The following HELQ variants were observed in gnomAD, a reference collection of about 807,000 sequenced individuals.
HELQ encodes helicase POLQ-like.
A neutral mutation model predicts 111.6 loss-of-function variants in HELQ; 77 were observed. That is an observed-to-expected ratio of 0.69 (90% CI 0.57 to 0.83). The LOEUF (loss-of-function observed/expected upper bound fraction) is 0.83. HELQ is among the 40% of genes least tolerant of loss of function. The probability of loss-of-function intolerance (pLI) is 0.00; values close to 1 mark genes in which losing one functional copy is unlikely to be tolerated. For missense variants in HELQ, 1,200 were observed against 1,288.5 expected (o/e 0.93, Z 1.05); for synonymous variants, 438 against 454.7 (o/e 0.96, Z 0.47).
Position 83,429,612 on chromosome 4 carries a change from T to A in HELQ, c.2430A>T (p.Gly810=), listed in dbSNP as rs778224985. Residue 810 remains glycine, a synonymous_variant, in exon 12 of 18, where the codon GGA becomes GGT. Coordinates refer to ENST00000295488, the MANE Select transcript of HELQ (RefSeq NM_133636.5). ...VESLRYLTEK[G]LLQKDTIYKS... Reference sequence around the variant, plus strand: ...TATAAATAGTGTCTTTTTGTAGGAGTCCTTTTTCTGTCAGGTATCTAAGTG... The same window carrying A: ...TATAAATAGTGTCTTTTTGTAGGAGACCTTTTTCTGTCAGGTATCTAAGTG... 2.5e-6 allele frequency: 4 copies of A among 1,612,786 alleles called. No individual in the cohort carries two copies. Among genetic ancestry groups the A allele is most frequent in the Non-Finnish European group, 3.4e-6 (4 of 1,179,018 alleles).
intron 17 of HELQ, among the ~76,000 whole-genome samples, chr4:83,409,297 TC>T (rs1453969669): frequency 7.9e-5 from 12 of 152,072 alleles, no homozygotes; most frequent in Non-Finnish European, 1.6e-4. Flanking sequence ...ATGCCTGTAA[TC>T]CCAGCACTTT....
At chr4:83,443,458 C>G (rs1720881158) in intron 6 of HELQ, 59 bp downstream of exon 6, 2 of 777,086 alleles carry the variant, frequency 2.6e-6, no homozygotes, top group East Asian at 5.1e-5. Context: ...TTACTACTTT[C>G]ATTTCTAAGT....
intron 6 of HELQ, 35 bp from the exon 7 acceptor site, chr4:83,441,438 A>G: frequency 2.2e-6 from 2 of 927,828 alleles, no homozygotes; most frequent in Non-Finnish European, 3.4e-6. Context: ...TTAATACGAC[A>G]TATAAATTCA....
intron 17 of HELQ, among the ~76,000 whole-genome samples, chr4:83,416,260 C>T (rs1019080328): frequency 1.3e-5 from 2 of 148,800 alleles, no homozygotes; most frequent in Non-Finnish European, 3.0e-5. Flanking sequence ...TTTTTTGGGG[C>T]GGGGGGACAG....
intron 17 of HELQ, 65 bp from the exon 18 acceptor site, chr4:83,407,625 C>T (rs1365047552): frequency 8.2e-6 from 8 of 973,142 alleles, no homozygotes; most frequent in East Asian, 7.3e-5. Flanking sequence ...AACAATTTTA[C>T]CACTGTCCAT....
intron 3 of HELQ, among the ~76,000 whole-genome samples, chr4:83,447,895 T>G (rs1358545312): frequency 6.7e-6 from 1 of 149,870 alleles, no homozygotes; most frequent in Admixed American, 6.7e-5. Flanking sequence ...TAACTCATTT[T>G]AGTAATAGTT....
intron 3 of HELQ, among the ~76,000 whole-genome samples, chr4:83,448,472 C>G (rs1721169158): frequency 6.6e-6 from 1 of 151,788 alleles, no homozygotes. Context: ...GAGTTTGAGA[C>G]CAGCCTGGCC....
intron 2 of HELQ, among the ~76,000 whole-genome samples, chr4:83,450,835 G>C (rs751356148): frequency 6.6e-6 from 1 of 152,092 alleles, no homozygotes; most frequent in African/African-American, 2.4e-5. Context: ...GTATGGTGGC[G>C]CATGCCTATA....
intron 2 of HELQ, among the ~76,000 whole-genome samples, chr4:83,450,030 T>G (rs1321276424): frequency 6.6e-6 from 1 of 151,754 alleles, no homozygotes; most frequent in East Asian, 1.9e-4. Flanking sequence ...CTGGTAGTAT[T>G]ACTTTTGGGA....
intron 11 of HELQ, among the ~76,000 whole-genome samples, chr4:83,430,966 T>C (rs1447431812): frequency 6.6e-6 from 1 of 152,188 alleles, no homozygotes; most frequent in East Asian, 1.9e-4. Context: ...TGAAAAAGTT[T>C]TTGACATAGT....
intron 9 of HELQ, among the ~76,000 whole-genome samples, chr4:83,433,422 C>G (rs1350848466): frequency 6.6e-6 from 1 of 152,046 alleles, no homozygotes; most frequent in Non-Finnish European, 1.5e-5. Flanking sequence ...AATCCCAGCA[C>G]TTTGAGAGGC....
Position 83,429,866 on chromosome 4 carries a change from T to A in HELQ, c.2296-120A>T. On this transcript the variant is annotated intron_variant, in intron 11 of 17. Transcript: ENST00000295488. Reference sequence around the variant, plus strand: ...AAGCTATTTAAATAAAAAATTAGTATTAAATCTACACAGTTGCATATATAA... The same window carrying A: ...AAGCTATTTAAATAAAAAATTAGTAATAAATCTACACAGTTGCATATATAA... 4 of 618,884 alleles carry A rather than the reference T, an allele frequency of 6.5e-6. No homozygotes were observed. The South Asian group carries it at 9.0e-5, about 14-fold the overall frequency. The allele number at this position is 618,884 out of a possible 1,614,324, so 38.3% of individuals were successfully genotyped here. A position where few individuals can be genotyped will look rare whatever the true frequency, so the allele number is the denominator to read the frequency against.
At position 83,439,918 on chromosome 4, in the gene HELQ, G is replaced by A. The variant is rs6817280; in HGVS notation, c.1753C>T (p.Pro585Ser). The A allele has an allele frequency of 0.014, 22,790 of 1,606,006 alleles. 2,723 individuals carry two copies. In the African/African-American group the frequency reaches 0.27, roughly 19 times the overall value. The change falls in exon 8 of 18, where the codon CCT becomes TCT. Residue 585 changes from proline (P) to serine (S), a missense_variant. Coordinates refer to ENST00000295488, the MANE Select transcript of HELQ (RefSeq NM_133636.5). Reference protein sequence around the residue: ...IPNYSCLVFCPSKKNCENVAE... With the variant: ...IPNYSCLVFCSSKKNCENVAE... ...ACATTTTCACAGTTCTTCTTACTAG[G>A]ACAAAAAACTAAGCAGGAATAATTG...
chr4:83,417,600 C>G (rs769837932), intron 16 of HELQ, among the ~76,000 whole-genome samples: 2 of 152,174 alleles, frequency 1.3e-5, no homozygotes, highest in African/African-American at 4.8e-5. Context: ...TCCTCTGACT[C>G]AAGAACTGAA....
rs757418316 is a variant in HELQ, at chr4:83,427,629, G to C, written c.2610C>G (p.Ile870Met). The C allele has an allele frequency of 3.1e-6, 5 of 1,607,082 alleles. No individual in the cohort carries two copies. ...CCAGATCATAGGGGGTTGTTAGGTA[G>C]ATTAGATGAAGAAGGCTTTCAAGCA... ...GLVLESLLHL[I>M]YLTTPYDLVS... Residue 870 changes from isoleucine to methionine, a missense_variant, in exon 13 of 18, where the codon ATC becomes ATG. Transcript: ENST00000295488.
Position 83,416,817 on chromosome 4 carries a change from AG to A in HELQ, c.3111del (p.Leu1038Ter). 6.2e-7 allele frequency: 1 copy of A among 1,613,918 alleles called. No homozygotes were observed. The highest frequency in any genetic ancestry group is 8.5e-7 in the Non-Finnish European group (1 of 1,179,820). ...LYSAGYKSLMHLANANPEVLV... is the reference protein window; with the variant it reads ...LYSAGYKSLMXLANANPEVLV... ...AGCACTTCAGGATTTGCATTAGCTA[AG>A]TGCATTAGACTTTTGTAACCTGCAC... On this transcript the variant is annotated frameshift_variant, in exon 17 of 18. Transcript: ENST00000295488. LOFTEE classifies it high-confidence loss of function.
intron 17 of HELQ, among the ~76,000 whole-genome samples, chr4:83,411,799 C>T (rs1739118736): frequency 6.6e-6 from 1 of 151,198 alleles, no homozygotes; most frequent in Non-Finnish European, 1.5e-5. Flanking sequence ...CCATGCCTGG[C>T]TAATTAAAAA....
chr4:83,445,214 G>A (rs4693625), intron 5 of HELQ, among the ~76,000 whole-genome samples: 79,902 of 151,964 alleles, frequency 0.53, 22,898 homozygotes, highest in African/African-American at 0.74. Flanking sequence ...TAGCTGTTCA[G>A]AGAATATTCA....
chr4:83,432,307 C>A, intron 9 of HELQ, 40 bp from the exon 10 acceptor site: 1 of 1,411,834 alleles, frequency 7.1e-7, no homozygotes, highest in Non-Finnish European at 9.3e-7. Context: ...CAGCAAACAG[C>A]ACCAATTTAA....
Sources: gnomAD v4.1 joint callset for allele counts (sites outside exome capture counted in the v4.1 genomes callset) on GRCh38, gnomAD v4.1.1 for gene constraint, MANE v1.5 for transcripts, NCBI Gene and HGNC (gene_info 2026-07-23, HGNC 2026-07-21) for gene names.